CYB5RL: variants seen among roughly 807,000 people sequenced by gnomAD.
CYB5RL encodes the protein cytochrome b5 reductase like.
CYB5RL carries 38 observed loss-of-function variants against 37.5 expected under a neutral mutation model. The ratio of observed to expected loss-of-function variants is 1.01; its 90% confidence interval spans 0.78 to 1.33. The LOEUF is 1.33. CYB5RL is among the 40% of genes most tolerant of loss of function. CYB5RL has a pLI of 0.00. For missense variants in CYB5RL, 388 were observed against 394.4 expected (o/e 0.98, Z 0.14); for synonymous variants, 141 against 151.9 (o/e 0.93, Z 0.53).
chr1:54,179,512 G>A (rs1272165194), intron 6 of CYB5RL, among the ~76,000 whole-genome samples, 160 bp from the exon 7 acceptor site: 1 of 152,114 alleles, frequency 6.6e-6, no homozygotes, highest in East Asian at 1.9e-4. Context: ...CCAGAAAGCC[G>A]TCCTTGTTTG....
At chr1:54,199,799 A>T (rs1476953284) in intron 1 of CYB5RL, among the ~76,000 whole-genome samples, 177 bp downstream of exon 1, 2 of 152,218 alleles carry the variant, frequency 1.3e-5, no homozygotes, top group African/African-American at 2.4e-5. Flanking sequence ...CGCTCGCAGC[A>T]GCGCGCTGTA....
intron 7 of CYB5RL, among the ~76,000 whole-genome samples, chr1:54,176,629 C>T (rs1177209769): frequency 6.6e-6 from 1 of 152,250 alleles, no homozygotes; most frequent in Non-Finnish European, 1.5e-5. Context: ...CAAGCTCCCA[C>T]TATGGTCTGA....
At chr1:54,188,877 C>T (rs1458821628) in intron 4 of CYB5RL, among the ~76,000 whole-genome samples, 1 of 152,174 alleles carries the variant, frequency 6.6e-6, no homozygotes, top group Non-Finnish European at 1.5e-5. Context: ...GAGGGCTGGA[C>T]AGAAATATTT....
chr1:54,179,911 A>G (rs1267318313), intron 6 of CYB5RL: 6 of 453,712 alleles, frequency 1.3e-5, no homozygotes, highest in South Asian at 7.8e-5. Flanking sequence ...AATATGCATA[A>G]GCATGTAGCA....
rs149033488 is a variant in CYB5RL at position 54,196,418 on chromosome 1, C to G, written c.-149G>C. 38 of 152,278 alleles carry G rather than the reference C, an allele frequency of 2.5e-4. No individual in the cohort carries two copies. Among genetic ancestry groups the G allele is most frequent in the African/African-American group, 8.9e-4 (37 of 41,542 alleles). The allele number at this position is 152,278 out of a possible 1,614,324, so 9.4% of individuals were successfully genotyped here. A position where few individuals can be genotyped will look rare whatever the true frequency, so the allele number is the denominator to read the frequency against. On this transcript the variant is annotated 5_prime_UTR_variant, in exon 2 of 8. Transcript: ENST00000534324. ...ATGTTGCCAGTCTGGTCTCGAACTC[C>G]TGGCCTCAAGTGATCTTCTCATCTC... is the stretch of plus-strand genomic sequence containing the variant.
At chr1:54,199,525 T>C (rs899212741) in intron 1 of CYB5RL, among the ~76,000 whole-genome samples, 3 of 152,248 alleles carry the variant, frequency 2.0e-5, no homozygotes, top group African/African-American at 7.2e-5. Context: ...CCATCTGTCT[T>C]ATTTACCAAT....
chr1:54,180,108 A>G, intron 6 of CYB5RL: 1 of 432,614 alleles, frequency 2.3e-6, no homozygotes, highest in Non-Finnish European at 4.6e-6. Flanking sequence ...GTGGTGGTGC[A>G]CGCCTGTAGT....
At chr1:54,178,148 C>T (rs1660068393) in intron 7 of CYB5RL, among the ~76,000 whole-genome samples, 1 of 152,230 alleles carries the variant, frequency 6.6e-6, no homozygotes, top group Admixed American at 6.5e-5. Flanking sequence ...ATGGACAGGC[C>T]TGCAGAACCC....
At chr1:54,179,631 C>T (rs1660109156) in intron 6 of CYB5RL, among the ~76,000 whole-genome samples, 1 of 152,180 alleles carries the variant, frequency 6.6e-6, no homozygotes. Flanking sequence ...ACTAAAGCAT[C>T]CCCACAAGGA....
At chr1:54,198,425 C>T (rs558206361) in intron 1 of CYB5RL, among the ~76,000 whole-genome samples, 16 of 151,394 alleles carry the variant, frequency 1.1e-4, no homozygotes, top group African/African-American at 2.2e-4. Flanking sequence ...CTCTGCCTCC[C>T]GGGTTCACAT....
rs1224603444 is a variant in CYB5RL at position 54,171,832 on chromosome 1, T to C, written c.*2787A>G. 1.3e-5 allele frequency: 3 copies of C among 235,874 alleles called. No individual in the cohort carries two copies. The highest frequency in any genetic ancestry group is 2.2e-5 in the African/African-American group (1 of 45,352). The allele number at this position is 235,874 out of a possible 1,614,324, so 14.6% of individuals were successfully genotyped here. On this transcript the variant is annotated 3_prime_UTR_variant, in exon 8 of 8. Transcript: ENST00000534324. ...CACACACCACACCCCACACTCTTCT[T>C]CTTGGGCTTGCTCAGCACCTTGTGG...
chr1:54,191,672 A>G (rs1643955455), intron 3 of CYB5RL, among the ~76,000 whole-genome samples: 1 of 152,116 alleles, frequency 6.6e-6, no homozygotes, highest in Non-Finnish European at 1.5e-5. Flanking sequence ...TGCAGCACCA[A>G]CTCTGGAACC....
intron 6 of CYB5RL, among the ~76,000 whole-genome samples, chr1:54,180,750 T>C (rs1159018958): frequency 6.6e-6 from 1 of 152,086 alleles, no homozygotes; most frequent in Non-Finnish European, 1.5e-5. Context: ...CTGGGCAAGC[T>C]CTTTCACCAA....
In CYB5RL at chr1:54,171,145, A is replaced by G; in HGVS notation, c.*3474T>C. The G allele has an allele frequency of 2.2e-6, 1 of 456,002 alleles. No homozygotes were observed. Among genetic ancestry groups the G allele is most frequent in the Non-Finnish European group, 4.4e-6 (1 of 226,786 alleles). The allele number at this position is 456,002 out of a possible 1,614,324, so 28.2% of individuals were successfully genotyped here. ...GGCGAGGCTCCCGGGAGGAAGTGACACTGAGCTGAGACCTCAAAAGATGAG... is the reference window on the plus strand; with the variant it reads ...GGCGAGGCTCCCGGGAGGAAGTGACGCTGAGCTGAGACCTCAAAAGATGAG... On this transcript the variant is annotated 3_prime_UTR_variant, in exon 8 of 8. Transcript: ENST00000534324.
intron 7 of CYB5RL, among the ~76,000 whole-genome samples, chr1:54,178,194 C>A (rs565946980): frequency 2.8e-4 from 43 of 152,258 alleles, no homozygotes; most frequent in Non-Finnish European, 5.6e-4. Context: ...TATATTGGGA[C>A]GGGAAATCCA....
Position 54,169,987 on chromosome 1 carries a change from T to C in CYB5RL, c.*4632A>G, listed in dbSNP as rs1032587535. Reference sequence around the variant, plus strand: ...TATCCTTTCACAATGTACATTTCACTTAGTTATTATGTTTTTAGGACTTCG... The same window carrying C: ...TATCCTTTCACAATGTACATTTCACCTAGTTATTATGTTTTTAGGACTTCG... On this transcript the variant is annotated 3_prime_UTR_variant, in exon 8 of 8. Coordinates refer to ENST00000534324, the MANE Select transcript of CYB5RL (RefSeq NM_001031672.4). The C allele has an allele frequency of 2.6e-5, 4 of 152,238 alleles. No individual in the cohort carries two copies. Among genetic ancestry groups the C allele is most frequent in the Admixed American group, 6.5e-5 (1 of 15,288 alleles). 9.4% of individuals were successfully genotyped at this position (152,238 alleles called of 1,614,324 possible).
Position 54,174,408 on chromosome 1 carries a change from C to T in CYB5RL, c.*211G>A. 1 of 597,708 alleles carries T rather than the reference C, an allele frequency of 1.7e-6. No individual in the cohort carries two copies. The highest frequency in any genetic ancestry group is 2.9e-6 in the Non-Finnish European group (1 of 342,038). 37.0% of individuals were successfully genotyped at this position (597,708 alleles called of 1,614,324 possible). A position where few individuals can be genotyped will look rare whatever the true frequency, so the allele number is the denominator to read the frequency against. ...CTCAGGGCCCCTACAGCCCATCCTCCTTCTACATAGTAGGAGGCCAGGAGG... is the reference window on the plus strand; with the variant it reads ...CTCAGGGCCCCTACAGCCCATCCTCTTTCTACATAGTAGGAGGCCAGGAGG... On this transcript the variant is annotated 3_prime_UTR_variant, in exon 8 of 8. Transcript: ENST00000534324.
intron 1 of CYB5RL, among the ~76,000 whole-genome samples, chr1:54,196,980 G>A (rs1235908878): frequency 6.6e-6 from 1 of 152,192 alleles, no homozygotes. Flanking sequence ...GAGTGTGGGG[G>A]GACAGAGGGG....
At position 54,171,180 on chromosome 1, in the gene CYB5RL, A is replaced by C. The variant is rs1348079591; in HGVS notation, c.*3439T>G. The C allele has an allele frequency of 2.2e-6, 1 of 456,110 alleles. No homozygotes were observed. Among genetic ancestry groups the C allele is most frequent in the South Asian group, 1.5e-5 (1 of 64,560 alleles). 28.3% of individuals were successfully genotyped at this position (456,110 alleles called of 1,614,324 possible). A position where few individuals can be genotyped will look rare whatever the true frequency, so the allele number is the denominator to read the frequency against. On this transcript the variant is annotated 3_prime_UTR_variant, in exon 8 of 8. Coordinates refer to ENST00000534324, the MANE Select transcript of CYB5RL (RefSeq NM_001031672.4). ...GACCTCAAAAGATGAGGAGGCAAAAAAGGTGAGTGGGAGATCGGAAGGTGG... is the reference window on the plus strand; with the variant it reads ...GACCTCAAAAGATGAGGAGGCAAAACAGGTGAGTGGGAGATCGGAAGGTGG...
Sources: gnomAD v4.1 joint callset for allele counts (sites outside exome capture counted in the v4.1 genomes callset) on GRCh38, gnomAD v4.1.1 for gene constraint, MANE v1.5 for transcripts, NCBI Gene and HGNC (gene_info 2026-07-23, HGNC 2026-07-21) for gene names.